The following PARD3B variants were observed in gnomAD, a reference collection of about 807,000 sequenced individuals.
PARD3B encodes the protein par-3 family cell polarity regulator beta.
Under a neutral mutation model 130.2 loss-of-function variants are expected in PARD3B, and 103 were observed. That is an observed-to-expected ratio of 0.79 (90% CI 0.67 to 0.93). PARD3B has a LOEUF of 0.93. Ranked by LOEUF, PARD3B falls within the 40% of genes least tolerant of loss-of-function variation. The pLI is 0.00. For missense variants in PARD3B, 1,609 were observed against 1,499.2 expected (o/e 1.07, Z -1.21); for synonymous variants, 583 against 553.2 (o/e 1.05, Z -0.76).
chr2:205,504,167 T>G (rs1032668406), intron 21 of PARD3B, among the ~76,000 whole-genome samples: 4 of 152,188 alleles, frequency 2.6e-5, no homozygotes, highest in Admixed American at 2.6e-4. Context: ...TAATAAATGG[T>G]GCTGGGAAAA....
chr2:205,415,416 A>T (rs2046740930), intron 19 of PARD3B, among the ~76,000 whole-genome samples: 1 of 152,196 alleles, frequency 6.6e-6, no homozygotes, highest in African/African-American at 2.4e-5. Context: ...ATGTTAAGAA[A>T]TGGGCACTTA....
intron 15 of PARD3B, among the ~76,000 whole-genome samples, chr2:205,195,897 G>A (rs775182379): frequency 4.6e-5 from 7 of 151,474 alleles, no homozygotes; most frequent in African/African-American, 7.3e-5. Context: ...TATAAAGTCT[G>A]TAGGAATCTT....
chr2:204,762,483 G>C (rs536630162), intron 2 of PARD3B, among the ~76,000 whole-genome samples: 1 of 152,064 alleles, frequency 6.6e-6, no homozygotes, highest in East Asian at 1.9e-4. Context: ...CAAGAGGCAG[G>C]ATTTCTATGA....
chr2:205,332,806 C>T (rs1285669463), intron 18 of PARD3B, among the ~76,000 whole-genome samples: 3 of 152,068 alleles, frequency 2.0e-5, no homozygotes, highest in African/African-American at 4.8e-5. Context: ...GTGCAAAGTA[C>T]CTAGTTAGGG....
chr2:205,219,892 A>G (rs1041124808), intron 15 of PARD3B, among the ~76,000 whole-genome samples: 4 of 152,320 alleles, frequency 2.6e-5, no homozygotes, highest in African/African-American at 9.6e-5. Context: ...CAGTAATGTA[A>G]GCCCTGCACA....
intron 2 of PARD3B, among the ~76,000 whole-genome samples, chr2:204,763,414 C>G (rs1559125659): frequency 6.6e-6 from 1 of 152,128 alleles, no homozygotes; most frequent in Non-Finnish European, 1.5e-5. Flanking sequence ...GCATAGGCAA[C>G]TTTGCCTAAA....
intron 4 of PARD3B, among the ~76,000 whole-genome samples, chr2:205,072,145 G>T (rs1300078022): frequency 6.6e-6 from 1 of 151,790 alleles, no homozygotes; most frequent in African/African-American, 2.4e-5. Context: ...ATAAATCATA[G>T]GCATTAAATA....
intron 22 of PARD3B, among the ~76,000 whole-genome samples, chr2:205,559,030 TAG>T (rs1441774081): frequency 6.6e-6 from 1 of 152,200 alleles, no homozygotes; most frequent in Non-Finnish European, 1.5e-5. Flanking sequence ...ATGTATACAG[TAG>T]AGTCTTAATA....
At chr2:205,545,644 T>TTTAA (rs1444168761) in intron 21 of PARD3B, among the ~76,000 whole-genome samples, 1 of 152,102 alleles carries the variant, frequency 6.6e-6, no homozygotes. Context: ...ACAGCAGCTT[T>TTTAA]TTAATTTCCT....
chr2:205,303,805 A>G (rs1331184337), intron 18 of PARD3B, among the ~76,000 whole-genome samples: 1 of 152,116 alleles, frequency 6.6e-6, no homozygotes, highest in African/African-American at 2.4e-5. Context: ...CTATTATACA[A>G]TTACCTCCAA....
intron 22 of PARD3B, among the ~76,000 whole-genome samples, chr2:205,608,725 T>C (rs945947333): frequency 6.6e-6 from 1 of 152,202 alleles, no homozygotes; most frequent in Admixed American, 6.5e-5. Flanking sequence ...TGAACTGTCA[T>C]ACAGAATCCA....
At chr2:204,736,362 T>G (rs2039750572) in intron 2 of PARD3B, among the ~76,000 whole-genome samples, 1 of 152,178 alleles carries the variant, frequency 6.6e-6, no homozygotes, top group South Asian at 2.1e-4. Context: ...TTTGAGATTT[T>G]AGTGTACCCA....
At chr2:204,731,677 A>G (rs999387833) in intron 2 of PARD3B, among the ~76,000 whole-genome samples, 1 of 152,198 alleles carries the variant, frequency 6.6e-6, no homozygotes, top group Non-Finnish European at 1.5e-5. Context: ...CCAGGTTACA[A>G]TCATGAAAAA....
chr2:205,101,088 T>C (rs926434666), intron 4 of PARD3B, among the ~76,000 whole-genome samples: 10 of 152,144 alleles, frequency 6.6e-5, no homozygotes, highest in South Asian at 4.1e-4. Context: ...AAATCATATA[T>C]TGGATAAGAA....
At chr2:204,999,765 A>G (rs75171939) in intron 3 of PARD3B, among the ~76,000 whole-genome samples, 13,330 of 152,234 alleles carry the variant, frequency 0.088, 678 homozygotes, top group Non-Finnish European at 0.11. Flanking sequence ...GAACTACCCA[A>G]TTTACTTCAG....
intron 21 of PARD3B, among the ~76,000 whole-genome samples, chr2:205,518,912 G>A (rs1279064158): frequency 6.6e-6 from 1 of 152,154 alleles, no homozygotes; most frequent in East Asian, 1.9e-4. Context: ...AATATAGGCT[G>A]CCAAACTCTT....
chr2:204,845,265 A>C (rs2044414111), intron 2 of PARD3B, among the ~76,000 whole-genome samples: 1 of 152,150 alleles, frequency 6.6e-6, no homozygotes, highest in South Asian at 2.1e-4. Flanking sequence ...GGAAGATGAA[A>C]ATAACTAGTT....
rs530899362 is a variant in PARD3B at position 205,047,514 on chromosome 2, C to T, written c.395-67C>T. 8 of 915,370 alleles carry T rather than the reference C, an allele frequency of 8.7e-6. No individual in the cohort carries two copies. In the East Asian group the frequency reaches 1.4e-4, roughly 15 times the overall value. 56.7% of individuals were successfully genotyped at this position (915,370 alleles called of 1,614,324 possible). A position where few individuals can be genotyped will look rare whatever the true frequency, so the allele number is the denominator to read the frequency against. On this transcript the variant is annotated intron_variant, in intron 3 of 22. Transcript: ENST00000406610. ...GTTGTAAACCTTTTAAATTAAAGTG[C>T]ATTGTGTCATGCACTCTCTTCACCC... is the stretch of plus-strand genomic sequence containing the variant.
At chr2:204,600,733 A>G (rs1192661708) in intron 1 of PARD3B, among the ~76,000 whole-genome samples, 1 of 151,878 alleles carries the variant, frequency 6.6e-6, no homozygotes, top group Non-Finnish European at 1.5e-5. Context: ...TTTAAAAGTA[A>G]CATCTCATTC....
Sources: gnomAD v4.1 joint callset for allele counts (sites outside exome capture counted in the v4.1 genomes callset) on GRCh38, gnomAD v4.1.1 for gene constraint, MANE v1.5 for transcripts, NCBI Gene and HGNC (gene_info 2026-07-23, HGNC 2026-07-21) for gene names.